Variants in NLGN1 observed in about 807,000 individuals in gnomAD.
NLGN1 encodes neuroligin-1.
Under a neutral mutation model 65.5 loss-of-function variants are expected in NLGN1, and 12 were observed. The ratio of observed to expected loss-of-function variants is 0.18; its 90% CI spans 0.12 to 0.30. The LOEUF (loss-of-function observed/expected upper bound fraction) is 0.30. Ranked by LOEUF, NLGN1 falls within the 10% of genes least tolerant of loss-of-function variation. The pLI, the probability that NLGN1 is intolerant of heterozygous loss-of-function variation, is 1.00. For synonymous variants in NLGN1, 350 were observed against 359.5 expected (o/e 0.97, Z 0.30); for missense variants, 750 against 1,007.1 (o/e 0.74, Z 3.46).
chr3:174,145,310 C>T (rs1723002004), intron 4 of NLGN1, among the ~76,000 whole-genome samples: 1 of 151,922 alleles, frequency 6.6e-6, no homozygotes, highest in South Asian at 2.1e-4. Flanking sequence ...GTCAAGAGAC[C>T]GAGACCATCC....
chr3:174,082,375 T>C (rs1010466019), intron 4 of NLGN1, among the ~76,000 whole-genome samples: 1 of 152,032 alleles, frequency 6.6e-6, no homozygotes, highest in African/African-American at 2.4e-5. Context: ...AAATAATAAT[T>C]TAAATAGGGA....
chr3:174,152,410 A>C (rs1724544859), intron 4 of NLGN1, among the ~76,000 whole-genome samples: 1 of 151,984 alleles, frequency 6.6e-6, no homozygotes, highest in Non-Finnish European at 1.5e-5. Context: ...AAAAACAAAC[A>C]CCGCATGTTC....
chr3:173,492,735 A>C (rs1729387507), intron 2 of NLGN1, among the ~76,000 whole-genome samples: 1 of 151,894 alleles, frequency 6.6e-6, no homozygotes, highest in Non-Finnish European at 1.5e-5. Context: ...TCAGTACAAA[A>C]GTAGAATAGG....
chr3:173,482,272 C>G lies in NLGN1; in HGVS notation c.-321+47194C>G, dbSNP rs192422092. On this transcript the variant is annotated intron_variant, in intron 2 of 6. Transcript: ENST00000457714. The stretch of plus-strand genomic sequence containing the variant: ...TTTTTATAATTACACTTTGATACAC[C>G]TACATTTCTCCTTTATATGTGTGAG... 3.0e-4 allele frequency among the ~76,000 whole-genome samples: 45 copies of G among 151,962 alleles called. No individual in the cohort carries two copies. The East Asian group carries it at 8.7e-3, about 29-fold the overall frequency.
chr3:173,620,620 C>T (rs2149500855), intron 3 of NLGN1, among the ~76,000 whole-genome samples: 2 of 152,166 alleles, frequency 1.3e-5, no homozygotes, highest in East Asian at 3.9e-4. Flanking sequence ...TTTAATCACT[C>T]ATATGCCAGA....
At chr3:174,124,571 ATACACATATATACGTATATATACG>A (rs1718472006) in intron 4 of NLGN1, among the ~76,000 whole-genome samples, 1 of 147,048 alleles carries the variant, frequency 6.8e-6, no homozygotes, top group African/African-American at 2.5e-5. Flanking sequence ...ATATATACGT[ATACACATATATACGTATATATACG>A]TATACATATA....
chr3:173,834,568 A>G (rs1186632049), intron 4 of NLGN1, among the ~76,000 whole-genome samples: 1 of 152,184 alleles, frequency 6.6e-6, no homozygotes, highest in Admixed American at 6.5e-5. Context: ...TAAGTTCTCT[A>G]ATGATAATAA....
chr3:173,993,992 A>C (rs1721707125), intron 4 of NLGN1, among the ~76,000 whole-genome samples: 2 of 152,122 alleles, frequency 1.3e-5, no homozygotes, highest in Non-Finnish European at 1.5e-5. Flanking sequence ...GTCGTCTCAT[A>C]TTATCGTAAG....
chr3:173,817,486 TGAGG>T (rs952027547), intron 4 of NLGN1, among the ~76,000 whole-genome samples: 1 of 152,182 alleles, frequency 6.6e-6, no homozygotes, highest in Non-Finnish European at 1.5e-5. Context: ...CATAGAAGAT[TGAGG>T]GACCTGCTGA....
chr3:174,237,289 C>G (rs542894899), intron 4 of NLGN1, among the ~76,000 whole-genome samples: 2 of 152,216 alleles, frequency 1.3e-5, no homozygotes, highest in Non-Finnish European at 2.9e-5. Flanking sequence ...TACACAGATT[C>G]TATTCCAATA....
intron 2 of NLGN1, among the ~76,000 whole-genome samples, chr3:173,494,606 T>G (rs922303384): frequency 2.0e-5 from 3 of 151,892 alleles, no homozygotes; most frequent in Non-Finnish European, 2.9e-5. Flanking sequence ...CCTAAGAAAC[T>G]TTGACTAACA....
intron 4 of NLGN1, among the ~76,000 whole-genome samples, chr3:174,006,347 T>G (rs1724393823): frequency 6.6e-6 from 1 of 152,234 alleles, no homozygotes; most frequent in Non-Finnish European, 1.5e-5. Context: ...ACTGTTTTTC[T>G]GTCCCTCATT....
At chr3:174,262,977 C>T (rs1342464840) in intron 4 of NLGN1, among the ~76,000 whole-genome samples, 21 of 125,404 alleles carry the variant, frequency 1.7e-4, no homozygotes, top group African/African-American at 6.7e-4. Context: ...TGTTCAGTTT[C>T]CATGTAGTTG....
chr3:173,841,646 G>A (rs1724798137), intron 4 of NLGN1, among the ~76,000 whole-genome samples: 1 of 152,128 alleles, frequency 6.6e-6, no homozygotes, highest in South Asian at 2.1e-4. Flanking sequence ...TTGCTAAAAA[G>A]GAAGACTGGA....
intron 4 of NLGN1, among the ~76,000 whole-genome samples, chr3:173,915,156 T>G (rs1560620822): frequency 6.6e-6 from 1 of 152,202 alleles, no homozygotes; most frequent in East Asian, 1.9e-4. Context: ...TATTTCATGA[T>G]TATGGATTGT....
chr3:173,407,676 A>G (rs1159127380), intron 1 of NLGN1, among the ~76,000 whole-genome samples: 1 of 152,222 alleles, frequency 6.6e-6, no homozygotes, highest in East Asian at 1.9e-4. Flanking sequence ...GCATAAAAGC[A>G]ATAAAAATCA....
chr3:173,988,209 A>G (rs1419722475), intron 4 of NLGN1, among the ~76,000 whole-genome samples: 2 of 152,164 alleles, frequency 1.3e-5, no homozygotes, highest in African/African-American at 2.4e-5. Context: ...CAACCCGTCT[A>G]TAATCTAATA....
chr3:174,076,458 C>G (rs1484521788), intron 4 of NLGN1, among the ~76,000 whole-genome samples: 1 of 152,110 alleles, frequency 6.6e-6, no homozygotes, highest in Non-Finnish European at 1.5e-5. Context: ...TCTGAATCTG[C>G]TCTGGATTCT....
intron 4 of NLGN1, among the ~76,000 whole-genome samples, chr3:173,992,835 C>A (rs1406381035): frequency 4.6e-5 from 7 of 152,102 alleles, no homozygotes; most frequent in Non-Finnish European, 7.4e-5. Context: ...CCAAATAATA[C>A]AGCAATATTT....
Sources: gnomAD v4.1 joint callset for allele counts (sites outside exome capture counted in the v4.1 genomes callset) on GRCh38, gnomAD v4.1.1 for gene constraint, MANE v1.5 for transcripts, NCBI Gene and HGNC (gene_info 2026-07-23, HGNC 2026-07-21) for gene names.